Variants in ORC5 observed in about 807,000 individuals in gnomAD.
ORC5 encodes protein phosphatase 1, regulatory subunit 117.
ORC5 carries 39 observed loss-of-function variants against 58.8 expected under a neutral mutation model. The ratio of observed to expected loss-of-function variants is 0.66; its 90% CI spans 0.51 to 0.87. The LOEUF (loss-of-function observed/expected upper bound fraction) is 0.87. Ranked by LOEUF, ORC5 falls within the 40% of genes least tolerant of loss-of-function variation. The pLI is 0.00. For missense variants in ORC5, 493 were observed against 506.3 expected (o/e 0.97, Z 0.25); for synonymous variants, 218 against 177.6 (o/e 1.23, Z -1.81).
intron 12 of ORC5, among the ~76,000 whole-genome samples, chr7:104,145,157 A>G (rs966448039): frequency 6.6e-6 from 1 of 152,236 alleles, no homozygotes; most frequent in Non-Finnish European, 1.5e-5. Context: ...GTAGAAATCC[A>G]TAATGAGAGT....
chr7:104,203,702 A>C (rs1027115958), intron 2 of ORC5, among the ~76,000 whole-genome samples: 6 of 152,220 alleles, frequency 3.9e-5, no homozygotes, highest in Non-Finnish European at 8.8e-5. Flanking sequence ...AATTCAGCTC[A>C]TGAAAGGTCT....
chr7:104,201,007 C>T (rs1200684395), intron 2 of ORC5, 49 bp from the exon 3 acceptor site: 12 of 1,468,044 alleles, frequency 8.2e-6, no homozygotes, highest in Non-Finnish European at 1.1e-5. Context: ...AACACACAAA[C>T]ACAATAATGG....
In ORC5 at chr7:104,198,736, A is replaced by G. The variant is rs1476623761; in HGVS notation, c.367-937T>C. ...ATTCAAGCCAGCTGCAGAAATGTGCATAAGTAACAAGGAGCCAAATGTTAA... is the reference window on the plus strand; with the variant it reads ...ATTCAAGCCAGCTGCAGAAATGTGCGTAAGTAACAAGGAGCCAAATGTTAA... On this transcript the variant is annotated intron_variant, in intron 3 of 13. Transcript: ENST00000297431. Among the ~76,000 whole-genome samples the G allele has an allele frequency of 3.3e-5, 5 of 152,256 alleles. No homozygotes were observed. In the East Asian group the frequency reaches 5.8e-4, roughly 18 times the overall value.
chr7:104,195,297 C>G, intron 4 of ORC5, 43 bp from the exon 5 acceptor site: 1 of 1,118,468 alleles, frequency 8.9e-7, no homozygotes, highest in East Asian at 2.7e-5. Context: ...ATTTAAAAAT[C>G]TTAATCGGAG....
Position 104,197,944 on chromosome 7 carries a change from G to A in ORC5, c.367-145C>T, listed in dbSNP as rs1027684323. On this transcript the variant is annotated intron_variant, in intron 3 of 13. Coordinates refer to ENST00000297431, the MANE Select transcript of ORC5 (RefSeq NM_002553.4). ...TATTGGGAAGAGAAGCTGCATAAAA[G>A]ATGATTAAGTCATAAGGGCTCTGTC... 5.6e-6 allele frequency: 3 copies of A among 539,512 alleles called. No homozygotes were observed. In the African/African-American group the frequency reaches 5.9e-5, roughly 11 times the overall value. The allele number at this position is 539,512 out of a possible 1,614,324, so 33.4% of individuals were successfully genotyped here.
intron 5 of ORC5, among the ~76,000 whole-genome samples, chr7:104,191,109 C>G (rs1013233093): frequency 8.6e-6 from 1 of 116,778 alleles, no homozygotes; most frequent in Non-Finnish European, 1.8e-5. Context: ...TTTTTTATTT[C>G]AAAACTGCTG....
At chr7:104,171,758 G>A (rs1799214952) in intron 8 of ORC5, among the ~76,000 whole-genome samples, 2 of 152,288 alleles carry the variant, frequency 1.3e-5, no homozygotes, top group East Asian at 1.9e-4. Flanking sequence ...GGAGGCTCAG[G>A]TGGTAGGATC....
chr7:104,188,120 A>C lies in ORC5; in HGVS notation c.684+131T>G, dbSNP rs900751148. ...AGGCCATATGCAAATTCCCAGAATAAAATTTCAGTTTCTAACCTATCTCAT... is the reference window on the plus strand; with the variant it reads ...AGGCCATATGCAAATTCCCAGAATACAATTTCAGTTTCTAACCTATCTCAT... On this transcript the variant is annotated intron_variant, in intron 6 of 13. Transcript: ENST00000297431. 5.2e-6 allele frequency: 5 copies of C among 963,092 alleles called. No homozygotes were observed. The African/African-American group carries it at 8.2e-5, about 16-fold the overall frequency. 59.7% of individuals were successfully genotyped at this position (963,092 alleles called of 1,614,324 possible).
At chr7:104,165,528 T>C (rs537901487) in intron 10 of ORC5, 12 of 332,048 alleles carry the variant, frequency 3.6e-5, no homozygotes, top group Non-Finnish European at 6.5e-5. Context: ...AATAAAATAA[T>C]GACATTTCCT....
intron 12 of ORC5, among the ~76,000 whole-genome samples, chr7:104,151,203 C>T (rs185979590): frequency 6.6e-6 from 1 of 151,960 alleles, no homozygotes. Flanking sequence ...TAATGTAACT[C>T]ATCAAAAAAA....
At position 104,138,739 on chromosome 7, in the gene ORC5, T is replaced by C. The variant is rs1462653159; in HGVS notation, c.1150-1846A>G. ...GTTGTCCAGGCTGCTCTTGAGCTCC[T>C]GGGCTCAAGTGATGCACCTGCCTAG... is the stretch of plus-strand genomic sequence containing the variant. On this transcript the variant is annotated intron_variant, in intron 12 of 13. Coordinates refer to ENST00000297431, the MANE Select transcript of ORC5 (RefSeq NM_002553.4). This position sits in a 1 kb window ranked among gnomAD's most constrained non-coding sequence, Gnocchi z 4.7. 6.6e-6 allele frequency among the ~76,000 whole-genome samples: 1 copy of C among 152,176 alleles called. No homozygotes were observed. Among genetic ancestry groups the C allele is most frequent in the Non-Finnish European group, 1.5e-5 (1 of 68,026 alleles).
In ORC5 at chr7:104,198,377, G is replaced by A. The variant is rs532250693; in HGVS notation, c.367-578C>T. On this transcript the variant is annotated intron_variant, in intron 3 of 13. Transcript: ENST00000297431. ...TGAAGTACAGACTGAGGTGGTCATAGATGGACATGAGGAACTAATTGGGGA... is the reference window on the plus strand; with the variant it reads ...TGAAGTACAGACTGAGGTGGTCATAAATGGACATGAGGAACTAATTGGGGA... Among the ~76,000 whole-genome samples the A allele has an allele frequency of 3.9e-5, 6 of 152,314 alleles. No individual in the cohort carries two copies. The East Asian group carries it at 1.2e-3, about 29-fold the overall frequency.
chr7:104,165,791 T>C (rs1257666551), intron 10 of ORC5: 3 of 154,598 alleles, frequency 1.9e-5, no homozygotes, highest in Non-Finnish European at 4.3e-5. Context: ...GAGGGTCAGG[T>C]ACAGTGGCGC....
chr7:104,143,274 C>A (rs1401446330), intron 12 of ORC5, among the ~76,000 whole-genome samples: 6 of 152,052 alleles, frequency 3.9e-5, no homozygotes, highest in Non-Finnish European at 7.4e-5. Context: ...TATTTAGATT[C>A]TTTAATCGAA....
intron 5 of ORC5, among the ~76,000 whole-genome samples, 161 bp from the exon 6 acceptor site, chr7:104,188,542 GT>G (rs1291944873): frequency 6.6e-6 from 1 of 151,922 alleles, no homozygotes; most frequent in East Asian, 1.9e-4. Context: ...AGTGTGATTT[GT>G]GATATAATAA....
chr7:104,205,133 A>G (rs1800046706), intron 1 of ORC5, among the ~76,000 whole-genome samples: 1 of 116,908 alleles, frequency 8.6e-6, no homozygotes, highest in Admixed American at 1.2e-4. Flanking sequence ...CCTGTCACCC[A>G]GGCTGGAGTG....
chr7:104,200,701 C>T (rs929064187), intron 3 of ORC5, 57 bp downstream of exon 3: 3 of 1,074,420 alleles, frequency 2.8e-6, no homozygotes, highest in Admixed American at 4.2e-5. Context: ...GAAAATTGAT[C>T]TAATAAATTA....
chr7:104,190,088 T>C (rs895943206), intron 5 of ORC5, among the ~76,000 whole-genome samples: 21 of 152,104 alleles, frequency 1.4e-4, no homozygotes, highest in Non-Finnish European at 2.6e-4. Context: ...ACACATTTGG[T>C]GTCAGAAGTG....
chr7:104,177,061 T>TACC (rs1799337051), intron 8 of ORC5, among the ~76,000 whole-genome samples: 1 of 152,238 alleles, frequency 6.6e-6, no homozygotes, highest in Admixed American at 6.5e-5. Flanking sequence ...CTCACTTAGG[T>TACC]GAACACCTGA....
Sources: allele counts gnomAD v4.1 joint callset (sites outside exome capture counted in the v4.1 genomes callset), GRCh38; gene constraint gnomAD v4.1.1; non-coding constraint Gnocchi (gnomAD v3.1); transcripts MANE v1.5; gene names NCBI Gene and HGNC (gene_info 2026-07-23, HGNC 2026-07-21).